The following PTPRD variants were observed in gnomAD, a reference collection of about 807,000 sequenced individuals.
The protein encoded by PTPRD is receptor-type tyrosine-protein phosphatase delta.
Under a neutral mutation model 214.5 loss-of-function variants are expected in PTPRD, and 34 were observed. That is an observed-to-expected ratio of 0.16 (90% CI 0.12 to 0.21). The LOEUF is 0.21. PTPRD is among the 10% of genes least tolerant of loss of function. PTPRD has a pLI of 1.00. For missense variants in PTPRD, 2,545 were observed against 2,398.7 expected, an observed-to-expected ratio of 1.06 and a Z score of -1.27; for synonymous variants, 1,128 against 845.7, an observed-to-expected ratio of 1.33 and a Z score of -5.79.
At chr9:9,067,262 A>T (rs1217810516) in intron 10 of PTPRD, among the ~76,000 whole-genome samples, 2 of 152,194 alleles carry the variant, frequency 1.3e-5, no homozygotes, top group East Asian at 3.9e-4. Context: ...CAAACAAAAA[A>T]ACTTGTCTTA....
chr9:9,871,961 C>T (rs775285556), intron 5 of PTPRD, among the ~76,000 whole-genome samples: 2 of 152,124 alleles, frequency 1.3e-5, no homozygotes, highest in Non-Finnish European at 2.9e-5. Context: ...CAACTAAACA[C>T]TCTACATGTA....
rs1156564370 is a variant in PTPRD, at chr9:8,317,029, A to AAAAC, written c.*841_*844dup. 8.6e-6 allele frequency: 2 copies of AAAAC among 231,582 alleles called. No homozygotes were observed. Among genetic ancestry groups the AAAAC allele is most frequent in the Non-Finnish European group, 1.7e-5 (2 of 116,820 alleles). The allele number at this position is 231,582 out of a possible 1,614,324, so 14.3% of individuals were successfully genotyped here. On this transcript the variant is annotated 3_prime_UTR_variant, in exon 46 of 46. Coordinates refer to ENST00000381196, the MANE Select transcript of PTPRD (RefSeq NM_002839.4). ...ACTTTGCGCCTCCCTGTTGATTCCA[A>AAAAC]AAACAAAACAAAATAATAATTATCT...
chr9:10,181,864 A>G (rs910657502), intron 3 of PTPRD, among the ~76,000 whole-genome samples: 2 of 150,896 alleles, frequency 1.3e-5, no homozygotes, highest in Admixed American at 1.3e-4. Flanking sequence ...TTGACAACAA[A>G]AAAAATAGTA....
At chr9:9,406,218 T>C (rs2073279127) in intron 8 of PTPRD, among the ~76,000 whole-genome samples, 1 of 151,960 alleles carries the variant, frequency 6.6e-6, no homozygotes, top group South Asian at 2.1e-4. Context: ...AAAAAGATGG[T>C]AAGGGCCAAT....
chr9:10,262,372 C>A (rs2093754033), intron 3 of PTPRD, among the ~76,000 whole-genome samples: 1 of 152,070 alleles, frequency 6.6e-6, no homozygotes, highest in South Asian at 2.1e-4. Context: ...ACTCATCAGG[C>A]ATGTTTATGA....
At chr9:9,402,990 C>CAAAAAAAAA (rs1569568021) in intron 8 of PTPRD, among the ~76,000 whole-genome samples, 1 of 92,930 alleles carries the variant, frequency 1.1e-5, no homozygotes, top group African/African-American at 4.2e-5. Context: ...AAAAAAAAAA[C>CAAAAAAAAA]ACCAAAAAAA....
chr9:10,036,397 G>C (rs982785648), intron 3 of PTPRD, among the ~76,000 whole-genome samples: 3 of 151,872 alleles, frequency 2.0e-5, no homozygotes, highest in Admixed American at 1.3e-4. Flanking sequence ...TAAGCATCAA[G>C]TTTATCAGCA....
intron 2 of PTPRD, among the ~76,000 whole-genome samples, chr9:10,433,717 G>C (rs1475310514): frequency 6.6e-6 from 1 of 151,774 alleles, no homozygotes; most frequent in Admixed American, 6.6e-5. Flanking sequence ...ACTAAAAGTT[G>C]ACTCCCAGAG....
intron 5 of PTPRD, among the ~76,000 whole-genome samples, chr9:9,893,525 T>C (rs1423267536): frequency 1.3e-5 from 2 of 152,224 alleles, no homozygotes; most frequent in East Asian, 3.9e-4. Flanking sequence ...AAAAACTATA[T>C]GTAGGAAATA....
At chr9:10,072,259 C>A (rs571556249) in intron 3 of PTPRD, among the ~76,000 whole-genome samples, 1 of 151,824 alleles carries the variant, frequency 6.6e-6, no homozygotes, top group Admixed American at 6.6e-5. Context: ...CAAATTAAAG[C>A]AACAATGAGC....
At chr9:9,690,296 C>A (rs1016648235) in intron 7 of PTPRD, among the ~76,000 whole-genome samples, 4 of 151,836 alleles carry the variant, frequency 2.6e-5, no homozygotes, top group Non-Finnish European at 5.9e-5. Flanking sequence ...CTTCTGAGAA[C>A]TGTCTATTCA....
chr9:9,680,598 T>C (rs1268332536), intron 7 of PTPRD, among the ~76,000 whole-genome samples: 1 of 151,700 alleles, frequency 6.6e-6, no homozygotes, highest in Non-Finnish European at 1.5e-5. Context: ...GTAATATGAA[T>C]TGGAAAGAAC....
chr9:10,543,721 G>C (rs1257098614), intron 2 of PTPRD, among the ~76,000 whole-genome samples: 3 of 152,226 alleles, frequency 2.0e-5, no homozygotes, highest in South Asian at 2.1e-4. Context: ...CCAAGGGATA[G>C]AGATGGTTGG....
intron 3 of PTPRD, among the ~76,000 whole-genome samples, chr9:10,335,822 G>C (rs898474402): frequency 1.3e-5 from 2 of 151,686 alleles, no homozygotes; most frequent in African/African-American, 4.8e-5. Flanking sequence ...ATATACACAC[G>C]GCAAATAAGC....
At chr9:8,405,553 C>G (rs2092888301) in intron 35 of PTPRD, among the ~76,000 whole-genome samples, 1 of 151,964 alleles carries the variant, frequency 6.6e-6, no homozygotes, top group Admixed American at 6.6e-5. Context: ...TCATAAAACT[C>G]TAGGGGACTT....
chr9:9,624,126 A>G (rs1029219413), intron 7 of PTPRD, among the ~76,000 whole-genome samples: 2 of 152,206 alleles, frequency 1.3e-5, no homozygotes, highest in African/African-American at 4.8e-5. Flanking sequence ...GAAAATGAAA[A>G]TACTTATTCC....
At chr9:9,328,618 C>CTCTTTTTTTTTTT (rs2041038801) in intron 9 of PTPRD, among the ~76,000 whole-genome samples, 1 of 28,214 alleles carries the variant, frequency 3.5e-5, no homozygotes, top group African/African-American at 1.3e-4. Flanking sequence ...GTTGTTCTTG[C>CTCTTTTTTTTTTT]TTTTTTTTTT....
At chr9:9,798,358 G>A (rs896796639) in intron 5 of PTPRD, among the ~76,000 whole-genome samples, 1 of 152,102 alleles carries the variant, frequency 6.6e-6, no homozygotes, top group African/African-American at 2.4e-5. Context: ...GTATTTTTAC[G>A]CTACATTTGA....
chr9:10,368,705 T>G (rs1027557737), intron 2 of PTPRD, among the ~76,000 whole-genome samples: 1 of 152,082 alleles, frequency 6.6e-6, no homozygotes, highest in Non-Finnish European at 1.5e-5. Flanking sequence ...TATGATCAAG[T>G]CTAGCATAAT....
Sources: gnomAD v4.1 joint callset for allele counts (sites outside exome capture counted in the v4.1 genomes callset) on GRCh38, gnomAD v4.1.1 for gene constraint, MANE v1.5 for transcripts, NCBI Gene and HGNC (gene_info 2026-07-23, HGNC 2026-07-21) for gene names.